ARFGEF1: variants seen among roughly 807,000 people sequenced by gnomAD.
ARFGEF1 encodes brefeldin A-inhibited guanine nucleotide-exchange protein 1.
In ARFGEF1, 42 loss-of-function variants were observed where a neutral mutation model predicts 231.0. That is an observed-to-expected ratio of 0.18 (90% confidence interval 0.14 to 0.24). The LOEUF (loss-of-function observed/expected upper bound fraction) is 0.24, where lower values mean the gene tolerates loss of function less well. Among genes scored for constraint, ARFGEF1 ranks in the 10% least tolerant of loss-of-function variants. The pLI is 1.00. For missense variants in ARFGEF1, 1,345 were observed against 2,192.0 expected (o/e 0.61, Z 7.72); for synonymous variants, 710 against 732.3 (o/e 0.97, Z 0.49).
intron 1 of ARFGEF1, among the ~76,000 whole-genome samples, chr8:67,307,950 G>T (rs1806824991): frequency 6.6e-6 from 1 of 152,190 alleles, no homozygotes; most frequent in Admixed American, 6.5e-5. Flanking sequence ...TCTTAGAATA[G>T]AATACTGGCT....
chr8:67,195,365 TCCCTTG>T, downstream of ARFGEF1: 6 of 1,589,860 alleles, frequency 3.8e-6, no homozygotes, highest in Non-Finnish European at 5.2e-6. Flanking sequence ...GAGCCACGTG[TCCCTTG>T]CCTCCTGTAG....
chr8:67,206,310 T>A (rs559090740), intron 34 of ARFGEF1, among the ~76,000 whole-genome samples: 84 of 149,508 alleles, frequency 5.6e-4, no homozygotes, highest in Non-Finnish European at 3.0e-4. Flanking sequence ...CTCGGGAGGC[T>A]GAGGCAGAAG....
chr8:67,223,511 T>C lies in ARFGEF1; in HGVS notation c.4208+1392A>G, dbSNP rs187707680. ...CCCACATTTTAAGATGGAAGCTAAA[T>C]AGCAACCCATACATATCCTGGGATG... On this transcript the variant is annotated intron_variant, in intron 29 of 38. Coordinates refer to ENST00000262215, the MANE Select transcript of ARFGEF1 (RefSeq NM_006421.5). Among the ~76,000 whole-genome samples, 118 of 152,222 alleles carry C rather than the reference T, an allele frequency of 7.8e-4. 1 individual carries two copies. Among genetic ancestry groups the C allele is most frequent in the African/African-American group, 2.6e-3 (107 of 41,526 alleles).
rs771330319 is a variant in ARFGEF1, at chr8:67,203,110, C to G, written c.5101G>C (p.Glu1701Gln). Residue 1701 changes from glutamate (E) to glutamine (Q), a missense_variant, in exon 36 of 39, where the codon GAA becomes CAA. Physicochemically the swap from Glu to Gln is conservative, Grantham distance 29. Around this residue, in one of 14 missense-constraint regions of ARFGEF1, gnomAD observed 161 missense variants for 284.9 expected, o/e 0.57. Transcript: ENST00000262215. ...RFAKAFNSNNEQRTALWKAGF... is the reference protein window; with the variant it reads ...RFAKAFNSNNQQRTALWKAGF... Reference sequence around the variant, plus strand: ...GCTTTCCACAGGGCAGTCCTCTGTTCGTTGTTGGAATTAAACGCTTTTGCA... The same window carrying G: ...GCTTTCCACAGGGCAGTCCTCTGTTGGTTGTTGGAATTAAACGCTTTTGCA... 2.5e-6 allele frequency: 4 copies of G among 1,613,734 alleles called. No homozygotes were observed. The highest frequency in any genetic ancestry group is 3.4e-6 in the Non-Finnish European group (4 of 1,179,924).
At chr8:67,244,934 T>C (rs1840059428) in intron 19 of ARFGEF1, among the ~76,000 whole-genome samples, 1 of 150,014 alleles carries the variant, frequency 6.7e-6, no homozygotes, top group South Asian at 2.1e-4. Context: ...TTTTAATAAT[T>C]AAACTCACAA....
At chr8:67,306,658 T>C (rs1806760206) in intron 1 of ARFGEF1, among the ~76,000 whole-genome samples, 1 of 152,200 alleles carries the variant, frequency 6.6e-6, no homozygotes, top group South Asian at 2.1e-4. Flanking sequence ...TTACCTCTCA[T>C]TACATCAATT....
At chr8:67,292,574 T>C (rs1284559747) in intron 5 of ARFGEF1, among the ~76,000 whole-genome samples, 1 of 152,162 alleles carries the variant, frequency 6.6e-6, no homozygotes, top group Non-Finnish European at 1.5e-5. Context: ...TTGTCAAATA[T>C]CTTTTAATAA....
intron 33 of ARFGEF1, among the ~76,000 whole-genome samples, chr8:67,215,295 A>G (rs777749177): frequency 2.0e-5 from 3 of 152,122 alleles, no homozygotes; most frequent in Non-Finnish European, 4.4e-5. Flanking sequence ...TAATGAGTTT[A>G]GACTTTTGGG....
chr8:67,293,910 C>G (rs1363172698), intron 5 of ARFGEF1, among the ~76,000 whole-genome samples: 1 of 152,074 alleles, frequency 6.6e-6, no homozygotes, highest in South Asian at 2.1e-4. Context: ...ACTCTTAAAT[C>G]GCAGTAATGT....
chr8:67,321,404 C>T (rs548614609), intron 1 of ARFGEF1, among the ~76,000 whole-genome samples: 26 of 152,268 alleles, frequency 1.7e-4, no homozygotes, highest in African/African-American at 5.3e-4. Context: ...AGAAGCTCCA[C>T]GGGTGATCTT....
chr8:67,257,351 G>A (rs554639054), intron 17 of ARFGEF1, among the ~76,000 whole-genome samples: 7 of 152,260 alleles, frequency 4.6e-5, no homozygotes, highest in Admixed American at 4.6e-4. Flanking sequence ...AAAGTGCTGG[G>A]ATTACAGGCG....
chr8:67,278,240 T>A (rs1421023676), intron 7 of ARFGEF1, among the ~76,000 whole-genome samples: 2 of 152,194 alleles, frequency 1.3e-5, no homozygotes, highest in Non-Finnish European at 2.9e-5. Flanking sequence ...ACATAGATTC[T>A]GAAATATTAA....
chr8:67,281,312 A>C (rs1327741843), intron 7 of ARFGEF1, among the ~76,000 whole-genome samples: 3 of 152,132 alleles, frequency 2.0e-5, no homozygotes, highest in Non-Finnish European at 4.4e-5. Context: ...ACAACAAAAA[A>C]ACTTTCTAAA....
intron 5 of ARFGEF1, chr8:67,177,808 T>A: frequency 1.0e-6 from 1 of 960,276 alleles, no homozygotes; most frequent in Non-Finnish European, 1.7e-6. Flanking sequence ...GTAATTCAAA[T>A]TTTGAATTAT....
chr8:67,332,614 A>G (rs1808150277), intron 1 of ARFGEF1, among the ~76,000 whole-genome samples: 1 of 152,092 alleles, frequency 6.6e-6, no homozygotes, highest in South Asian at 2.1e-4. Flanking sequence ...ACATGGCAAT[A>G]TTTTCCTGTA....
At chr8:67,259,999 T>C in intron 14 of ARFGEF1, 73 bp from the exon 15 acceptor site, 6 of 939,606 alleles carry the variant, frequency 6.4e-6, no homozygotes, top group Non-Finnish European at 9.7e-6. Flanking sequence ...TAAACCACAG[T>C]AAATTTTCTA....
At chr8:67,195,256 A>AGAG (rs1238144934), downstream of ARFGEF1, 4 of 728,992 alleles carry the variant, frequency 5.5e-6, no homozygotes, top group East Asian at 2.6e-5. Flanking sequence ...AACAAACAGT[A>AGAG]GAGTTCAGGA....
At chr8:67,239,290 G>T (rs1839861233) in intron 20 of ARFGEF1, among the ~76,000 whole-genome samples, 1 of 152,126 alleles carries the variant, frequency 6.6e-6, no homozygotes, top group Admixed American at 6.5e-5. Context: ...ACAGGCTTGA[G>T]CCACCATGCC....
chr8:67,250,029 G>A (rs1251787544), intron 19 of ARFGEF1, among the ~76,000 whole-genome samples: 1 of 152,176 alleles, frequency 6.6e-6, no homozygotes, highest in Non-Finnish European at 1.5e-5. Context: ...AATTTAAGAT[G>A]TTCTAGAAAC....
Sources: allele counts gnomAD v4.1 joint callset (sites outside exome capture counted in the v4.1 genomes callset), GRCh38; gene constraint gnomAD v4.1.1; regional missense constraint gnomAD v4.1.1; transcripts MANE v1.5; gene names NCBI Gene and HGNC (gene_info 2026-07-23, HGNC 2026-07-21).